The following USP33 variants were observed in gnomAD, a reference collection of about 807,000 sequenced individuals.
USP33 encodes the protein ubiquitin carboxyl-terminal hydrolase 33.
In USP33, 46 loss-of-function variants were observed where a neutral mutation model predicts 124.2. The ratio of observed to expected loss-of-function variants is 0.37; its 90% CI spans 0.29 to 0.47. USP33 has a LOEUF of 0.47. Ranked by LOEUF, USP33 falls within the 20% of genes least tolerant of loss-of-function variation. The pLI, the probability that USP33 is intolerant of heterozygous loss-of-function variation, is 0.99. For missense variants in USP33, 851 were observed against 1,070.6 expected, an observed-to-expected ratio of 0.79 and a Z score of 2.86; for synonymous variants, 350 against 352.3, an observed-to-expected ratio of 0.99 and a Z score of 0.07.
At chr1:77,723,273 CAT>C (rs1350719209) in intron 12 of USP33, 56 bp downstream of exon 12, 11 of 1,261,884 alleles carry the variant, frequency 8.7e-6, no homozygotes, top group Non-Finnish European at 1.1e-5. Context: ...CATCTTGTCA[CAT>C]TTTTAAAAAT....
At chr1:77,755,711 A>G (rs999577586) in intron 1 of USP33, among the ~76,000 whole-genome samples, 1 of 152,208 alleles carries the variant, frequency 6.6e-6, no homozygotes, top group Non-Finnish European at 1.5e-5. Context: ...AGTAAAATAT[A>G]TAAGAAATTC....
rs766154192 is a variant in USP33 at position 77,728,642 on chromosome 1, A to C, written c.788T>G (p.Val263Gly). Residue 263 changes from valine to glycine, a missense_variant, in exon 10 of 24, where the codon GTA (valine) becomes GGA (glycine). Around this residue, in one of 4 missense-constraint regions of USP33, gnomAD observed 207 missense variants for 200.9 expected, o/e 1.03. Transcript: ENST00000370794. Reference protein sequence around the residue: ...HEELKEQVMEVEEDPQTITTE... With the variant: ...HEELKEQVMEGEEDPQTITTE... ...GGTTATGGTTTGCGGATCTTCTTCT[A>C]CTTCCATGACTTGCTCTTTCAATTC... is the stretch of plus-strand genomic sequence containing the variant. The C allele has an allele frequency of 5.6e-6, 9 of 1,613,870 alleles. No homozygotes were observed. In the East Asian group the frequency reaches 1.8e-4, roughly 32 times the overall value.
intron 22 of USP33, among the ~76,000 whole-genome samples, chr1:77,698,500 GTTT>G (rs796138788): frequency 4.3e-5 from 5 of 116,392 alleles, no homozygotes; most frequent in Non-Finnish European, 5.6e-5. Context: ...GAAATGTTTT[GTTT>G]TTTTTTTTTT....
chr1:77,736,074 C>A lies in USP33; in HGVS notation c.436G>T (p.Asp146Tyr). 6.2e-7 allele frequency: 1 copy of A among 1,611,822 alleles called. No individual in the cohort carries two copies. The highest frequency in any genetic ancestry group is 8.5e-7 in the Non-Finnish European group (1 of 1,178,880). ...AATTTACCTCTGGCCCTAAGTTCAT[C>A]TTCTTCATCCGCTTCTATATCCAGA... ...DDLDIEADEE[D>Y]ELRARGLTGL... The change falls in exon 6 of 24, where the codon GAT becomes TAT. Residue 146 changes from aspartate to tyrosine, a missense_variant. This residue lies in a region of USP33 where 221 missense variants were observed against 302.9 expected (regional missense o/e 0.73). Coordinates refer to ENST00000370794, the MANE Select transcript of USP33 (RefSeq NM_201624.3).
At chr1:77,705,960 T>A (rs2101208095) in intron 21 of USP33, among the ~76,000 whole-genome samples, 1 of 152,360 alleles carries the variant, frequency 6.6e-6, no homozygotes, top group South Asian at 2.1e-4. Context: ...CTACTATTCA[T>A]CCATGTTGCT....
chr1:77,717,068 T>C (rs1409030729), intron 17 of USP33, among the ~76,000 whole-genome samples: 1 of 151,988 alleles, frequency 6.6e-6, no homozygotes, highest in East Asian at 2.0e-4. Flanking sequence ...GGTTTCACAA[T>C]GTCGGCCAGA....
chr1:77,756,917 C>A (rs1305404730), intron 1 of USP33, among the ~76,000 whole-genome samples: 1 of 152,206 alleles, frequency 6.6e-6, no homozygotes, highest in African/African-American at 2.4e-5. Flanking sequence ...AGTTACAGCT[C>A]ATTTTCCTTT....
At chr1:77,717,835 T>G in intron 17 of USP33, 32 bp downstream of exon 17, 1 of 1,497,660 alleles carries the variant, frequency 6.7e-7, no homozygotes, top group Non-Finnish European at 8.9e-7. Flanking sequence ...TTTTTTTAAA[T>G]CTAGGAACAA....
chr1:77,756,565 T>A (rs1680821127), intron 1 of USP33, among the ~76,000 whole-genome samples: 1 of 152,230 alleles, frequency 6.6e-6, no homozygotes, highest in Non-Finnish European at 1.5e-5. Context: ...GGGAGCCTTT[T>A]AGATAAAGGC....
rs35589865 is a variant in USP33 at position 77,741,689 on chromosome 1, A to T, written c.9T>A (p.Ala3=). MS[A]FRNHCPHLDS... Reference sequence around the variant, plus strand: ...CCAAATGTGGACAATGATTTCGAAAAGCTGACATTTTGTTAGGAATTTTTT... The same window carrying T: ...CCAAATGTGGACAATGATTTCGAAATGCTGACATTTTGTTAGGAATTTTTT... The change falls in exon 2 of 24, where the codon GCT becomes GCA. Residue 3 remains alanine (A), a synonymous_variant. Transcript: ENST00000370794. 212 of 1,605,358 alleles carry T rather than the reference A, an allele frequency of 1.3e-4. 3 individuals are homozygous for T. The African/African-American group carries it at 2.6e-3, about 20-fold the overall frequency.
chr1:77,718,971 C>CAAAAG (rs1238811962), intron 15 of USP33, among the ~76,000 whole-genome samples: 1 of 148,450 alleles, frequency 6.7e-6, no homozygotes. Context: ...AATGCAGAGA[C>CAAAAG]AAAAGATATC....
At chr1:77,756,679 A>T (rs1680831768) in intron 1 of USP33, among the ~76,000 whole-genome samples, 1 of 152,220 alleles carries the variant, frequency 6.6e-6, no homozygotes, top group Non-Finnish European at 1.5e-5. Flanking sequence ...AAATCTCCAA[A>T]GGCTTAAGCA....
At chr1:77,726,142 G>T (rs1291672978) in intron 10 of USP33, among the ~76,000 whole-genome samples, 1 of 152,088 alleles carries the variant, frequency 6.6e-6, no homozygotes, top group Non-Finnish European at 1.5e-5. Flanking sequence ...TAGAGATGGG[G>T]TTTCACCATT....
chr1:77,728,596 T>G lies in USP33; in HGVS notation c.834A>C (p.Glu278Asp). Residue 278 changes from glutamate (E) to aspartate (D), a missense_variant, in exon 10 of 24, where the codon GAA (glutamate) becomes GAC (aspartate). Glu to Asp is a conservative substitution (Grantham distance 45). Coordinates refer to ENST00000370794, the MANE Select transcript of USP33 (RefSeq NM_201624.3). ...QTITTEETME[E>D]DKSQSDVDFQ... Reference sequence around the variant, plus strand: ...AATCTACATCCGACTGGCTCTTGTCTTCTTCCATTGTCTCCTCAGTGGTTA... The same window carrying G: ...AATCTACATCCGACTGGCTCTTGTCGTCTTCCATTGTCTCCTCAGTGGTTA... 1.2e-6 allele frequency: 2 copies of G among 1,614,204 alleles called. No individual in the cohort carries two copies. The highest frequency in any genetic ancestry group is 1.7e-6 in the Non-Finnish European group (2 of 1,180,022).
At chr1:77,743,052 C>T (rs1254371357) in intron 1 of USP33, among the ~76,000 whole-genome samples, 2 of 152,078 alleles carry the variant, frequency 1.3e-5, no homozygotes, top group African/African-American at 4.8e-5. Flanking sequence ...AAGTGATTCT[C>T]CTGCCTCAGC....
intron 19 of USP33, among the ~76,000 whole-genome samples, chr1:77,713,904 T>G (rs1219164377): frequency 6.6e-6 from 1 of 152,232 alleles, no homozygotes; most frequent in African/African-American, 2.4e-5. Flanking sequence ...TAAAGCATTT[T>G]TGGTGATTGT....
chr1:77,710,764 C>T (rs1380367992), intron 21 of USP33, among the ~76,000 whole-genome samples: 1 of 152,102 alleles, frequency 6.6e-6, no homozygotes, highest in Admixed American at 6.6e-5. Context: ...CAATTTTTTT[C>T]TTGCAGTATT....
At chr1:77,706,230 G>A (rs1008206253) in intron 21 of USP33, among the ~76,000 whole-genome samples, 4 of 152,172 alleles carry the variant, frequency 2.6e-5, no homozygotes, top group East Asian at 1.9e-4. Flanking sequence ...TTACCAAACT[G>A]TTTATCATGT....
rs1557830622 is a variant in USP33, at chr1:77,717,914, A to G, written c.1871T>C (p.Val624Ala). The part of the protein sequence containing the change: ...FLAKDSPAQI[V>A]TYDLLSVICH... ...AATGACTGACAGAAGATCATATGTC[A>G]CAATTTGAGCTGGACTATCCTTAGC... The change falls in exon 17 of 24, where the codon GTG becomes GCG. Residue 624 changes from valine (V) to alanine (A), a missense_variant. Val to Ala is a moderately conservative substitution (Grantham distance 64, BLOSUM62 0). Around this residue, in one of 4 missense-constraint regions of USP33, gnomAD observed 281 missense variants for 425.0 expected, o/e 0.66. Coordinates refer to ENST00000370794, the MANE Select transcript of USP33 (RefSeq NM_201624.3). The G allele has an allele frequency of 2.5e-6, 4 of 1,613,300 alleles. No homozygotes were observed. Among genetic ancestry groups the G allele is most frequent in the Non-Finnish European group, 3.4e-6 (4 of 1,179,760 alleles).
Sources: allele counts gnomAD v4.1 joint callset (sites outside exome capture counted in the v4.1 genomes callset), GRCh38; gene constraint gnomAD v4.1.1; regional missense constraint gnomAD v4.1.1; transcripts MANE v1.5; gene names NCBI Gene and HGNC (gene_info 2026-07-23, HGNC 2026-07-21).